Variants in TMEM255A observed in about 807,000 individuals in gnomAD.
TMEM255A encodes the protein family with sequence similarity 70, member A.
Under a neutral mutation model 23.5 loss-of-function variants are expected in TMEM255A, and 14 were observed. That is an observed-to-expected ratio of 0.60 (90% CI 0.39 to 0.93). The LOEUF is 0.93. Ranked by LOEUF, TMEM255A falls within the 40% of genes least tolerant of loss-of-function variation. The pLI is 0.00. For missense variants in TMEM255A, 233 were observed against 261.7 expected, an observed-to-expected ratio of 0.89 and a Z score of 0.76; for synonymous variants, 104 against 100.3, an observed-to-expected ratio of 1.04 and a Z score of -0.22.
rs899119835 is a variant in TMEM255A, at chrX:120,311,375, C to A, written c.-66G>T. 8.3e-6 allele frequency: 8 copies of A among 959,374 alleles called. No individual in the cohort carries two copies. Among genetic ancestry groups the A allele is most frequent in the Non-Finnish European group, 1.2e-5 (8 of 682,938 alleles). 79.1% of individuals were successfully genotyped at this position (959,374 alleles called of 1,213,427 possible). ...CAAGCGCCCCCGGCTCTGGGCGCCC[C>A]GCAGAGCATCCTACTCCGCGGTTGC... is the stretch of plus-strand genomic sequence containing the variant. On this transcript the variant is annotated 5_prime_UTR_variant, in exon 1 of 9. Coordinates refer to ENST00000371369, the MANE Select transcript of TMEM255A (RefSeq NM_001104544.3).
chrX:120,297,244 T>C (rs782134910), intron 2 of TMEM255A, among the ~76,000 whole-genome samples: 4 of 80,626 alleles, frequency 5.0e-5, no homozygotes, highest in Admixed American at 1.7e-4. Context: ...AACCACTCTG[T>C]GCTTTGGTTT....
intron 6 of TMEM255A, among the ~76,000 whole-genome samples, chrX:120,279,089 A>C (rs1183112317): frequency 1.1e-4 from 12 of 112,293 alleles, no homozygotes; most frequent in African/African-American, 3.9e-4. Context: ...CAAGTTCATC[A>C]ATGTTTGAGA....
At chrX:120,278,848 G>T (rs1467574345) in intron 6 of TMEM255A, among the ~76,000 whole-genome samples, 3 of 112,397 alleles carry the variant, frequency 2.7e-5, no homozygotes, top group African/African-American at 9.7e-5. Context: ...AGGAGGTGAA[G>T]TCAGTGTGGT....
At chrX:120,263,185 CA>C (rs1305175197) in intron 8 of TMEM255A, among the ~76,000 whole-genome samples, 1 of 112,053 alleles carries the variant, frequency 8.9e-6, no homozygotes, top group African/African-American at 3.2e-5. Context: ...AACAGGCAGG[CA>C]CCTTGGGAAA....
At chrX:120,267,001 G>A (rs782780809) in intron 8 of TMEM255A, among the ~76,000 whole-genome samples, 1 of 111,849 alleles carries the variant, frequency 8.9e-6, no homozygotes, top group Admixed American at 9.5e-5. Context: ...AAGCTTGTGG[G>A]AGTTATTTAT....
At position 120,260,669 on chromosome X, in the gene TMEM255A, C is replaced by T; in HGVS notation, c.*201G>A. On this transcript the variant is annotated 3_prime_UTR_variant, in exon 9 of 9. Transcript: ENST00000371369. ...GTCTTGCTTAGAGAATGTGAGCTGC[C>T]CTTCTGTGCTGCGTTCAGCCTGACC... The T allele has an allele frequency of 2.3e-6, 1 of 442,476 alleles. No homozygotes were observed. The highest frequency in any genetic ancestry group is 3.5e-6 in the Non-Finnish European group (1 of 283,262). The allele number at this position is 442,476 out of a possible 1,213,427, so 36.5% of individuals were successfully genotyped here.
At chrX:120,257,276 T>C, downstream of TMEM255A, 1 of 122,603 alleles carries the variant, frequency 8.2e-6, no homozygotes, top group East Asian at 2.8e-4. Context: ...ACATTACTCT[T>C]TGACTATAGT....
chrX:120,284,556 A>ACACC (rs2057860359), intron 6 of TMEM255A, among the ~76,000 whole-genome samples: 1 of 107,969 alleles, frequency 9.3e-6, no homozygotes, highest in African/African-American at 3.4e-5. Context: ...ACACACACAC[A>ACACC]CCCCTCATCA....
chrX:120,291,214 G>T (rs1556022857), intron 4 of TMEM255A, 37 bp downstream of exon 4: 1 of 1,076,628 alleles, frequency 9.3e-7, no homozygotes, highest in African/African-American at 1.8e-5. Context: ...TTGTTGTATT[G>T]CCTATTTACT....
chrX:120,311,292 A>G lies in TMEM255A; in HGVS notation c.18T>C (p.Thr6=). Residue 6 remains threonine (T), a synonymous_variant, in exon 1 of 9, where the codon ACT becomes ACC. Transcript: ENST00000371369. MHQSL[T]QQRSSDMSLP... ...GGGACATGTCGCTGGACCGCTGCTG[A>G]GTCAGGGACTGATGCATGGTGAAAA... The G allele has an allele frequency of 8.5e-7, 1 of 1,183,386 alleles. No individual in the cohort carries two copies. The highest frequency in any genetic ancestry group is 1.1e-6 in the Non-Finnish European group (1 of 880,677).
At chrX:120,264,546 G>A (rs1218119901) in intron 8 of TMEM255A, among the ~76,000 whole-genome samples, 2 of 111,107 alleles carry the variant, frequency 1.8e-5, no homozygotes, top group Non-Finnish European at 3.8e-5. Flanking sequence ...ATGACTTTGA[G>A]GGGTTAAAAC....
intron 8 of TMEM255A, among the ~76,000 whole-genome samples, chrX:120,266,308 T>G (rs1399023676): frequency 9.0e-6 from 1 of 110,721 alleles, no homozygotes; most frequent in African/African-American, 3.3e-5. Context: ...CTTTACTTTT[T>G]TGTCCCCACT....
intron 1 of TMEM255A, 109 bp downstream of exon 1, chrX:120,311,143 C>T (rs1181002808): frequency 2.7e-6 from 2 of 736,005 alleles, no homozygotes; most frequent in East Asian, 3.6e-5. Context: ...CCCATCCATG[C>T]CCCGTTTCCC....
chrX:120,306,945 G>A (rs1382267890), intron 1 of TMEM255A, among the ~76,000 whole-genome samples: 1 of 112,057 alleles, frequency 8.9e-6, no homozygotes, highest in African/African-American at 3.2e-5. Context: ...AGCCCCACAG[G>A]GGCCTTGACT....
At chrX:120,293,251 A>G (rs781922720) in intron 3 of TMEM255A, among the ~76,000 whole-genome samples, 1 of 112,739 alleles carries the variant, frequency 8.9e-6, no homozygotes, top group East Asian at 2.8e-4. Flanking sequence ...TTACAACTCT[A>G]TAAAACTGCA....
At chrX:120,256,691 A>G (rs2057640211), downstream of TMEM255A, 1 of 123,084 alleles carries the variant, frequency 8.1e-6, no homozygotes, top group South Asian at 3.7e-4. Flanking sequence ...CACTTACTGA[A>G]GTGCTAGTAC....
downstream of TMEM255A, chrX:120,255,846 A>G (rs67998482): frequency 0.01 from 1,403 of 136,610 alleles, 21 homozygotes; most frequent in African/African-American, 0.039. Flanking sequence ...GAGACAATAA[A>G]TGTGTGTTTT....
chrX:120,297,157 AAT>A (rs1298331003), intron 2 of TMEM255A, among the ~76,000 whole-genome samples: 1 of 51,824 alleles, frequency 1.9e-5, no homozygotes, highest in Non-Finnish European at 3.1e-5. Context: ...ATTATATTAT[AAT>A]ATATATATTA....
chrX:120,296,855 A>ATTATATATG, intron 2 of TMEM255A, among the ~76,000 whole-genome samples: 2 of 6,041 alleles, frequency 3.3e-4, no homozygotes, highest in Non-Finnish European at 4.2e-4. Flanking sequence ...TATCATATAT[A>ATTATATATG]ATATATAATA....
Sources: gnomAD v4.1 joint callset for allele counts (sites outside exome capture counted in the v4.1 genomes callset) on GRCh38, gnomAD v4.1.1 for gene constraint, MANE v1.5 for transcripts, NCBI Gene and HGNC (gene_info 2026-07-23, HGNC 2026-07-21) for gene names.